Variants in VWC2 observed in about 807,000 individuals in gnomAD.
VWC2 encodes the protein brorin.
In VWC2, 14 loss-of-function variants were observed where a neutral mutation model predicts 29.8. That is an observed-to-expected ratio of 0.47 (90% confidence interval 0.31 to 0.74). The LOEUF is 0.74. Ranked by LOEUF, VWC2 falls within the 30% of genes least tolerant of loss-of-function variation. The pLI, the probability that VWC2 is intolerant of heterozygous loss-of-function variation, is 0.05. For synonymous variants in VWC2, 213 were observed against 199.0 expected (o/e 1.07, Z -0.59); for missense variants, 457 against 459.8 (o/e 0.99, Z 0.05).
intron 3 of VWC2, among the ~76,000 whole-genome samples, chr7:49,899,599 A>G (rs1792597691): frequency 6.6e-6 from 1 of 152,046 alleles, no homozygotes; most frequent in Non-Finnish European, 1.5e-5. Context: ...ATAATGATAA[A>G]TGAGTCAATT....
intron 3 of VWC2, among the ~76,000 whole-genome samples, chr7:49,851,877 C>T (rs1232891847): frequency 1.3e-5 from 2 of 151,610 alleles, no homozygotes; most frequent in Non-Finnish European, 1.5e-5. Flanking sequence ...AAGTCCACTA[C>T]AAAATGGCCA....
At chr7:49,857,171 AACAACTTTCT>A (rs1434470696) in intron 3 of VWC2, among the ~76,000 whole-genome samples, 2 of 152,102 alleles carry the variant, frequency 1.3e-5, no homozygotes, top group African/African-American at 2.4e-5. Context: ...ATACCCATTC[AACAACTTTCT>A]ACTTACCCCT....
At chr7:49,811,039 T>G (rs1315202653) in intron 3 of VWC2, among the ~76,000 whole-genome samples, 5 of 152,152 alleles carry the variant, frequency 3.3e-5, no homozygotes, top group African/African-American at 4.8e-5. Context: ...GAAAAATTTT[T>G]GCATCTCAAA....
Position 49,775,344 on chromosome 7 carries a change from C to T in VWC2, c.-92C>T. ...TGTTCTCTCCGCAGGGACGGCGGCT[C>T]CCGGCTGGCGGCGGCGCGCCCCCGG... On this transcript the variant is annotated 5_prime_UTR_variant, in exon 2 of 4. Transcript: ENST00000340652. 1 of 1,085,850 alleles carries T rather than the reference C, an allele frequency of 9.2e-7. No individual in the cohort carries two copies. The highest frequency in any genetic ancestry group is 1.2e-6 in the Non-Finnish European group (1 of 841,360). The allele number at this position is 1,085,850 out of a possible 1,614,324, so 67.3% of individuals were successfully genotyped here. A position where few individuals can be genotyped will look rare whatever the true frequency, so the allele number is the denominator to read the frequency against.
intron 2 of VWC2, among the ~76,000 whole-genome samples, chr7:49,777,076 G>A (rs1319955824): frequency 6.6e-6 from 1 of 152,186 alleles, no homozygotes; most frequent in East Asian, 1.9e-4. Context: ...CTCTGCCAGT[G>A]GGCTAGGGGC....
At chr7:49,805,974 A>G (rs1432496011) in intron 3 of VWC2, among the ~76,000 whole-genome samples, 1 of 152,248 alleles carries the variant, frequency 6.6e-6, no homozygotes, top group Admixed American at 6.5e-5. Flanking sequence ...CTTGAATATA[A>G]ATAAATGATC....
Sources: allele counts gnomAD v4.1 joint callset (sites outside exome capture counted in the v4.1 genomes callset), GRCh38; gene constraint gnomAD v4.1.1; transcripts MANE v1.5; gene names NCBI Gene and HGNC (gene_info 2026-07-23, HGNC 2026-07-21).